Variants in EXOC6B observed in about 807,000 individuals in gnomAD.
The protein encoded by EXOC6B is SEC15 homolog B.
A neutral mutation model predicts 113.5 loss-of-function variants in EXOC6B; 54 were observed. That is an observed-to-expected ratio of 0.48 (90% CI 0.38 to 0.60). The LOEUF is 0.60. Among genes scored for constraint, EXOC6B ranks in the 20% least tolerant of loss-of-function variants. The probability of loss-of-function intolerance (pLI) is 0.00; values close to 1 mark genes in which losing one functional copy is unlikely to be tolerated. For missense variants in EXOC6B, 797 were observed against 977.5 expected, an observed-to-expected ratio of 0.82 and a Z score of 2.46; for synonymous variants, 357 against 339.0, an observed-to-expected ratio of 1.05 and a Z score of -0.58.
intron 6 of EXOC6B, among the ~76,000 whole-genome samples, chr2:72,706,992 A>G (rs1678924877): frequency 6.6e-6 from 1 of 152,162 alleles, no homozygotes; most frequent in Non-Finnish European, 1.5e-5. Context: ...TCTTTAAACC[A>G]TCCCAACAAA....
chr2:72,543,771 G>C (rs911201591), intron 8 of EXOC6B, among the ~76,000 whole-genome samples: 2 of 152,106 alleles, frequency 1.3e-5, no homozygotes, highest in African/African-American at 2.4e-5. Context: ...TTTTCTCTAA[G>C]ATCTATGTAG....
At chr2:72,796,228 G>A (rs1684939148) in intron 1 of EXOC6B, among the ~76,000 whole-genome samples, 1 of 151,220 alleles carries the variant, frequency 6.6e-6, no homozygotes, top group African/African-American at 2.4e-5. Flanking sequence ...CGAGGCGGGT[G>A]GATCACCTGA....
At chr2:72,376,169 T>C (rs1691346207) in intron 19 of EXOC6B, among the ~76,000 whole-genome samples, 3 of 152,210 alleles carry the variant, frequency 2.0e-5, no homozygotes, top group Admixed American at 1.3e-4. Flanking sequence ...ATGTAATCTA[T>C]ATTATAGATC....
intron 8 of EXOC6B, among the ~76,000 whole-genome samples, chr2:72,527,823 C>T (rs977537945): frequency 2.6e-5 from 4 of 151,814 alleles, no homozygotes; most frequent in Non-Finnish European, 5.9e-5. Context: ...GTATATCTGC[C>T]TCGGTGAATT....
At chr2:72,752,877 C>A (rs959975986) in intron 1 of EXOC6B, among the ~76,000 whole-genome samples, 2 of 152,042 alleles carry the variant, frequency 1.3e-5, no homozygotes, top group African/African-American at 4.8e-5. Context: ...TATTACACTC[C>A]TTCTTGGTTC....
chr2:72,708,998 C>G (rs1679082580), intron 6 of EXOC6B, among the ~76,000 whole-genome samples: 1 of 144,180 alleles, frequency 6.9e-6, no homozygotes, highest in African/African-American at 2.5e-5. Flanking sequence ...CCCACCTCAG[C>G]CTCCAAAGTG....
chr2:72,178,918 G>A lies in EXOC6B; in HGVS notation c.*417C>T, dbSNP rs1390546474. On this transcript the variant is annotated 3_prime_UTR_variant, in exon 22 of 22. Transcript: ENST00000272427. ...GAAGAATCAGCCTCATCTATGTGGT[G>A]AATGGGCATCCAAGAGTGAACAGGA... 6.2e-6 allele frequency: 1 copy of A among 162,020 alleles called. No individual in the cohort carries two copies. The highest frequency in any genetic ancestry group is 2.4e-5 in the African/African-American group (1 of 41,574). The allele number at this position is 162,020 out of a possible 1,614,324, so 10.0% of individuals were successfully genotyped here.
At chr2:72,238,782 G>A (rs1682122786) in intron 20 of EXOC6B, among the ~76,000 whole-genome samples, 1 of 152,134 alleles carries the variant, frequency 6.6e-6, no homozygotes, top group Non-Finnish European at 1.5e-5. Context: ...AATTATTTAT[G>A]TATTCTAGAT....
At chr2:72,371,983 A>G (rs969000532) in intron 19 of EXOC6B, among the ~76,000 whole-genome samples, 1 of 152,236 alleles carries the variant, frequency 6.6e-6, no homozygotes, top group African/African-American at 2.4e-5. Flanking sequence ...GTTGCAGAAT[A>G]CAGAATCAGC....
chr2:72,644,639 T>C (rs1172472543), intron 6 of EXOC6B, among the ~76,000 whole-genome samples: 1 of 152,200 alleles, frequency 6.6e-6, no homozygotes, highest in Non-Finnish European at 1.5e-5. Context: ...ATAGTCAGCA[T>C]TCTTAAAGAA....
chr2:72,817,620 A>G (rs1344617656), intron 1 of EXOC6B, among the ~76,000 whole-genome samples: 1 of 24,418 alleles, frequency 4.1e-5, no homozygotes. Flanking sequence ...TAGACAATCA[A>G]AAATAAAATG....
intron 20 of EXOC6B, among the ~76,000 whole-genome samples, chr2:72,308,890 A>G (rs1687038363): frequency 1.3e-5 from 2 of 152,282 alleles, no homozygotes; most frequent in African/African-American, 4.8e-5. Flanking sequence ...GGAATTTTCT[A>G]TAATTTAAAT....
chr2:72,654,803 T>A (rs924113723), intron 6 of EXOC6B, among the ~76,000 whole-genome samples: 1 of 152,252 alleles, frequency 6.6e-6, no homozygotes, highest in Non-Finnish European at 1.5e-5. Flanking sequence ...GTAGGCTTTA[T>A]GATTTTATAG....
intron 6 of EXOC6B, among the ~76,000 whole-genome samples, chr2:72,609,632 A>G (rs1670952931): frequency 6.6e-6 from 1 of 152,068 alleles, no homozygotes; most frequent in South Asian, 2.1e-4. Context: ...TAGGAGTATG[A>G]TAAAAGTATA....
chr2:72,773,396 T>C (rs920947809), intron 1 of EXOC6B, among the ~76,000 whole-genome samples: 33 of 150,980 alleles, frequency 2.2e-4, no homozygotes, highest in Non-Finnish European at 3.7e-4. Flanking sequence ...TCCCAAGGTG[T>C]TGGGATTACA....
intron 6 of EXOC6B, among the ~76,000 whole-genome samples, chr2:72,632,101 T>C (rs1202226946): frequency 6.6e-6 from 1 of 151,898 alleles, no homozygotes. Context: ...TAACTGATGA[T>C]TTAAAAAGAA....
chr2:72,204,443 C>T (rs773769333), intron 20 of EXOC6B, among the ~76,000 whole-genome samples: 6 of 151,956 alleles, frequency 3.9e-5, no homozygotes, highest in Non-Finnish European at 7.4e-5. Flanking sequence ...GGATACTGGA[C>T]TGTTTACAGT....
chr2:72,696,211 G>A lies in EXOC6B; in HGVS notation c.669+21892C>T, dbSNP rs78064135. 5.5e-3 allele frequency among the ~76,000 whole-genome samples: 843 copies of A among 152,156 alleles called. 7 individuals carry two copies. Among genetic ancestry groups the A allele is most frequent in the African/African-American group, 0.02 (815 of 41,506 alleles). ...TAGTTATTTTCTTTCAGTTTATTGT[G>A]CTATATTGCAGATTATAGGTGCTCA... On this transcript the variant is annotated intron_variant, in intron 6 of 21. Coordinates refer to ENST00000272427, the MANE Select transcript of EXOC6B (RefSeq NM_015189.3).
chr2:72,619,219 G>T (rs1425305496), intron 6 of EXOC6B, among the ~76,000 whole-genome samples: 3 of 151,570 alleles, frequency 2.0e-5, no homozygotes, highest in Non-Finnish European at 4.4e-5. Context: ...GATTAAGTTG[G>T]ACCCACTGGA....
Sources: allele counts gnomAD v4.1 joint callset (sites outside exome capture counted in the v4.1 genomes callset), GRCh38; gene constraint gnomAD v4.1.1; transcripts MANE v1.5; gene names NCBI Gene and HGNC (gene_info 2026-07-23, HGNC 2026-07-21).